The following BRCA2 variants were observed in gnomAD, a reference collection of about 807,000 sequenced individuals.
The protein encoded by BRCA2 is breast cancer type 2 susceptibility protein.
A neutral mutation model predicts 276.7 loss-of-function variants in BRCA2; 203 were observed. The observed-to-expected ratio is 0.73, with a 90% CI of 0.65 to 0.82. The LOEUF (loss-of-function observed/expected upper bound fraction) is 0.82. Among genes scored for constraint, BRCA2 ranks in the 40% least tolerant of loss-of-function variants. BRCA2 has a pLI of 0.00. For missense variants in BRCA2, 3,920 were observed against 3,915.0 expected (o/e 1.00, Z -0.03); for synonymous variants, 1,289 against 1,338.4 (o/e 0.96, Z 0.81).
Position 32,337,057 on chromosome 13 carries a change from T to C in BRCA2, c.2702T>C (p.Leu901Pro). The C allele has an allele frequency of 6.2e-7, 1 of 1,604,974 alleles. No individual in the cohort carries two copies. The highest frequency in any genetic ancestry group is 8.5e-7 in the Non-Finnish European group (1 of 1,177,598). ...CAAGTAGCTAATGAAAGGAATAATCTTGCTTTAGGAAATACTAAGGAACTT... is the reference window on the plus strand; with the variant it reads ...CAAGTAGCTAATGAAAGGAATAATCCTGCTTTAGGAAATACTAAGGAACTT... ...VFQVANERNNLALGNTKELHE... is the reference protein window; with the variant it reads ...VFQVANERNNPALGNTKELHE... The change falls in exon 11 of 27, where the codon CTT (leucine) becomes CCT (proline). Residue 901 changes from leucine (L) to proline (P), a missense_variant. By Grantham distance (98) the Leu-to-Pro change is moderately conservative. This residue lies in a region of BRCA2 where 3,263 missense variants were observed against 3,156.9 expected (regional missense o/e 1.03). Coordinates refer to ENST00000380152, the MANE Select transcript of BRCA2 (RefSeq NM_000059.4).
intron 21 of BRCA2, among the ~76,000 whole-genome samples, chr13:32,379,026 A>G (rs930141980): frequency 6.6e-6 from 1 of 152,208 alleles, no homozygotes; most frequent in African/African-American, 2.4e-5. Context: ...ACATAGATCT[A>G]TTTCTCAAAA....
At chr13:32,361,966 A>G (rs1391500710) in intron 16 of BRCA2, among the ~76,000 whole-genome samples, 1 of 152,102 alleles carries the variant, frequency 6.6e-6, no homozygotes, top group African/African-American at 2.4e-5. Flanking sequence ...CAAGGATCTC[A>G]TTTTTCAGGA....
rs112664729 is a variant in BRCA2, at chr13:32,346,577, T to C, written c.6938-250T>C. 1.3e-3 allele frequency among the ~76,000 whole-genome samples: 191 copies of C among 152,270 alleles called. 2 individuals carry two copies. The highest frequency in any genetic ancestry group is 4.3e-3 in the African/African-American group (179 of 41,602). ...GAAATTAGCTAACACCTTTGAGTTA[T>C]GATGGTTAACATCAACTGACTAAAT... On this transcript the variant is annotated intron_variant, in intron 12 of 26. Transcript: ENST00000380152.
rs56248502 is a variant in BRCA2 at position 32,338,445 on chromosome 13, A to G, written c.4090A>G (p.Ile1364Val). 27 of 1,611,822 alleles carry G rather than the reference A, an allele frequency of 1.7e-5. No homozygotes were observed. Among genetic ancestry groups the G allele is most frequent in the African/African-American group, 2.7e-5 (2 of 74,852 alleles). Residue 1364 changes from isoleucine (I) to valine (V), a missense_variant, in exon 11 of 27, where the codon ATA (isoleucine) becomes GTA (valine). Ile to Val is a conservative substitution (Grantham distance 29). Around this residue, in one of 2 missense-constraint regions of BRCA2, gnomAD observed 3,263 missense variants for 3,156.9 expected, o/e 1.03. Coordinates refer to ENST00000380152, the MANE Select transcript of BRCA2 (RefSeq NM_000059.4). ...TDLLFTDQHN[I>V]CLKLSGQFMK... is the part of the protein sequence containing the mutation. ...CTTGCTATTTACTGATCAGCACAAC[A>G]TATGTCTTAAATTATCTGGCCAGTT...
In BRCA2 at chr13:32,363,261, G is replaced by T. The variant is rs80359044; in HGVS notation, c.8059G>T (p.Val2687Phe). The change falls in exon 18 of 27, where the codon GTT becomes TTT. Residue 2687 changes from valine to phenylalanine, a missense_variant. Coordinates refer to ENST00000380152, the MANE Select transcript of BRCA2 (RefSeq NM_000059.4). ...GGATGACACAGCTGCAAAAACACTT[G>T]TTCTCTGTGTTTCTGACATAATTTC... ...ERDDTAAKTL[V>F]LCVSDIISLS... is the part of the protein sequence containing the mutation. 1 of 1,614,078 alleles carries T rather than the reference G, an allele frequency of 6.2e-7. No individual in the cohort carries two copies. The highest frequency in any genetic ancestry group is 1.1e-5 in the South Asian group (1 of 91,082).
At chr13:32,371,903 T>C (rs1294241783) in intron 20 of BRCA2, among the ~76,000 whole-genome samples, 3 of 152,232 alleles carry the variant, frequency 2.0e-5, no homozygotes, top group Non-Finnish European at 2.9e-5. Flanking sequence ...CATACCTTAA[T>C]ACACTTTATT....
chr13:32,332,701 T>A lies in BRCA2; in HGVS notation c.1223T>A (p.Met408Lys). 6.2e-7 allele frequency: 1 copy of A among 1,613,876 alleles called. No homozygotes were observed. Among genetic ancestry groups the A allele is most frequent in the Non-Finnish European group, 8.5e-7 (1 of 1,179,892 alleles). ...CTTTCAGGTCTAAATGGAGCCCAGA[T>A]GGAGAAAATACCCCTATTGCATATT... ...LTLSGLNGAQ[M>K]EKIPLLHISS... is the part of the protein sequence containing the mutation. Residue 408 changes from methionine to lysine, a missense_variant, in exon 10 of 27, where the codon ATG becomes AAG. Transcript: ENST00000380152.
At chr13:32,375,445 A>G in intron 20 of BRCA2, 1 of 429,344 alleles carries the variant, frequency 2.3e-6, no homozygotes, top group South Asian at 1.8e-5. Context: ...TTCCCATGAA[A>G]CACTAGTGTT....
In BRCA2 at chr13:32,398,764, T is replaced by C. The variant is rs80359779; in HGVS notation, c.10251T>C (p.Tyr3417=). The C allele has an allele frequency of 2.5e-6, 4 of 1,613,616 alleles. No individual in the cohort carries two copies. The highest frequency in any genetic ancestry group is 1.6e-4 in the Middle Eastern group (1 of 6,080). Reference sequence around the variant, plus strand: ...AGGACACAATTACAACTAAAAAATATATCTAAGCATTTGCAAAGGCGACAA... The same window carrying C: ...AGGACACAATTACAACTAAAAAATACATCTAAGCATTTGCAAAGGCGACAA... ...NKQDTITTKK[Y]I is the part of the protein sequence containing the mutation. The change falls in exon 27 of 27, where the codon TAT becomes TAC. Residue 3417 remains tyrosine, a synonymous_variant. Coordinates refer to ENST00000380152, the MANE Select transcript of BRCA2 (RefSeq NM_000059.4).
intron 10 of BRCA2, among the ~76,000 whole-genome samples, chr13:32,335,237 C>T (rs751767881): frequency 1.3e-5 from 2 of 150,978 alleles, no homozygotes; most frequent in Admixed American, 6.6e-5. Context: ...CCCAGCTACT[C>T]GGGACGCTAA....
At chr13:32,382,173 C>T (rs759499080) in intron 24 of BRCA2, among the ~76,000 whole-genome samples, 38 of 152,200 alleles carry the variant, frequency 2.5e-4, no homozygotes, top group Non-Finnish European at 3.5e-4. Flanking sequence ...AGAATGGTCT[C>T]GATCTCCTGA....
rs11571761 is a variant in BRCA2, at chr13:32,377,582, C to T, written c.8754+791C>T. ...TCCAGCCTAGGCAACAAGAGCAAAACTCCGTCTCAAAAAAAAAAAAAAAAA... is the reference window on the plus strand; with the variant it reads ...TCCAGCCTAGGCAACAAGAGCAAAATTCCGTCTCAAAAAAAAAAAAAAAAA... On this transcript the variant is annotated intron_variant, in intron 21 of 26. Transcript: ENST00000380152. Among the ~76,000 whole-genome samples the T allele has an allele frequency of 0.012, 1,029 of 87,026 alleles. 15 individuals carry two copies. The highest frequency in any genetic ancestry group is 0.043 in the African/African-American group (979 of 22,948). 57.1% of individuals were successfully genotyped at this position (87,026 alleles called of 152,430 possible). A position where few individuals can be genotyped will look rare whatever the true frequency, so the allele number is the denominator to read the frequency against.
intron 21 of BRCA2, among the ~76,000 whole-genome samples, chr13:32,377,624 A>G (rs1263449850): frequency 6.6e-6 from 1 of 152,100 alleles, no homozygotes; most frequent in East Asian, 1.9e-4. Flanking sequence ...AAATGGGCGT[A>G]AAATGTTGTT....
intron 3 of BRCA2, among the ~76,000 whole-genome samples, chr13:32,323,343 C>T (rs561867693): frequency 6.2e-4 from 94 of 152,004 alleles, no homozygotes; most frequent in African/African-American, 1.9e-3. Context: ...TTAGTAGAGA[C>T]GGGGTTTCAC....
intron 20 of BRCA2, 89 bp from the exon 21 acceptor site, chr13:32,376,581 C>A: frequency 7.0e-7 from 1 of 1,422,020 alleles, no homozygotes; most frequent in Non-Finnish European, 9.8e-7. Context: ...TTAAATCTCC[C>A]TTCTTTGGGT....
rs376501142 is a variant in BRCA2 at position 32,398,785 on chromosome 13, G to A, written c.*15G>A. The A allele has an allele frequency of 1.1e-5, 18 of 1,612,474 alleles. No individual in the cohort carries two copies. The highest frequency in any genetic ancestry group is 5.0e-5 in the Admixed American group (3 of 59,898). ...AATATATCTAAGCATTTGCAAAGGC[G>A]ACAATAAATTATTGACGCTTAACCT... On this transcript the variant is annotated 3_prime_UTR_variant, in exon 27 of 27. Coordinates refer to ENST00000380152, the MANE Select transcript of BRCA2 (RefSeq NM_000059.4).
chr13:32,397,797 A>G (rs987768175), intron 26 of BRCA2, among the ~76,000 whole-genome samples: 1 of 152,202 alleles, frequency 6.6e-6, no homozygotes, highest in East Asian at 1.9e-4. Flanking sequence ...AAAAGTAGGT[A>G]TTAGAACCCA....
At chr13:32,320,698 A>G (rs1277423916) in intron 3 of BRCA2, among the ~76,000 whole-genome samples, 1 of 152,224 alleles carries the variant, frequency 6.6e-6, no homozygotes, top group African/African-American at 2.4e-5. Context: ...TACAAAGGGA[A>G]TATAGGTAAT....
intron 13 of BRCA2, among the ~76,000 whole-genome samples, chr13:32,353,216 A>G (rs1441204886): frequency 3.3e-5 from 5 of 152,084 alleles, no homozygotes; most frequent in Non-Finnish European, 7.4e-5. Flanking sequence ...TAATCTCAAC[A>G]GTCCATTTTC....
Sources: allele counts gnomAD v4.1 joint callset (sites outside exome capture counted in the v4.1 genomes callset), GRCh38; gene constraint gnomAD v4.1.1; regional missense constraint gnomAD v4.1.1; transcripts MANE v1.5; gene names NCBI Gene and HGNC (gene_info 2026-07-23, HGNC 2026-07-21).